Variants in ADAM2 observed in about 807,000 individuals in gnomAD.
The protein encoded by ADAM2 is disintegrin and metalloproteinase domain-containing protein 2.
Under a neutral mutation model 99.3 loss-of-function variants are expected in ADAM2, and 101 were observed. The ratio of observed to expected loss-of-function variants is 1.02; its 90% CI spans 0.87 to 1.20. The LOEUF (loss-of-function observed/expected upper bound fraction) is 1.20, where lower values mean the gene tolerates loss of function less well. Ranked by LOEUF, ADAM2 falls within the 50% of genes most tolerant of loss-of-function variation. The pLI is 0.00. For missense variants in ADAM2, 948 were observed against 878.7 expected (o/e 1.08, Z -1.00); for synonymous variants, 323 against 287.6 (o/e 1.12, Z -1.25).
intron 7 of ADAM2, among the ~76,000 whole-genome samples, chr8:39,806,460 TA>T (rs201106342): frequency 1.4e-3 from 211 of 147,536 alleles, no homozygotes; most frequent in African/African-American, 3.7e-3. Flanking sequence ...TGACACATAA[TA>T]AAAAAAAAGT....
At chr8:39,831,553 A>G (rs1327503167) in intron 3 of ADAM2, among the ~76,000 whole-genome samples, 1 of 152,214 alleles carries the variant, frequency 6.6e-6, no homozygotes, top group Non-Finnish European at 1.5e-5. Context: ...GTAAATTATG[A>G]AACTTAAGAA....
chr8:39,761,073 T>C (rs1802348910), intron 15 of ADAM2, 103 bp downstream of exon 15: 2 of 581,744 alleles, frequency 3.4e-6, no homozygotes, highest in African/African-American at 3.8e-5. Flanking sequence ...GGTCTTACTT[T>C]ATGTTCAGGG....
At chr8:39,784,848 T>A (rs1947319) in intron 10 of ADAM2, among the ~76,000 whole-genome samples, 55,061 of 152,116 alleles carry the variant, frequency 0.36, 10,468 homozygotes, top group East Asian at 0.55. Context: ...TTTGTATGTC[T>A]TCTTTTGAGA....
intron 11 of ADAM2, among the ~76,000 whole-genome samples, chr8:39,770,971 T>G (rs1001442696): frequency 1.3e-5 from 2 of 152,220 alleles, no homozygotes; most frequent in Non-Finnish European, 2.9e-5. Context: ...ATTTTTTTCC[T>G]CAAAACTCAA....
At chr8:39,761,373 T>C in intron 14 of ADAM2, 92 bp from the exon 15 acceptor site, 1 of 630,224 alleles carries the variant, frequency 1.6e-6, no homozygotes. Flanking sequence ...GGGTTTAAGA[T>C]ATTCATTGTA....
chr8:39,784,909 T>C (rs888031457), intron 10 of ADAM2, among the ~76,000 whole-genome samples: 5 of 152,218 alleles, frequency 3.3e-5, no homozygotes, highest in Non-Finnish European at 7.3e-5. Context: ...GTTTGTTTTT[T>C]GCTTGTTCAA....
intron 9 of ADAM2, among the ~76,000 whole-genome samples, chr8:39,787,478 T>C (rs1803513498): frequency 6.6e-6 from 1 of 151,328 alleles, no homozygotes; most frequent in South Asian, 2.1e-4. Context: ...GTCATATTTA[T>C]GGGACAGAAG....
At chr8:39,750,724 T>A (rs1246454389) in intron 16 of ADAM2, among the ~76,000 whole-genome samples, 2 of 152,148 alleles carry the variant, frequency 1.3e-5, no homozygotes, top group Non-Finnish European at 2.9e-5. Context: ...ACACCAAGGA[T>A]TCTGACTTGT....
In ADAM2 at chr8:39,838,144, C is replaced by CAGCCCGCCG. The variant is rs750218026; in HGVS notation, c.33_41dup (p.Gly12_Leu14dup). The CAGCCCGCCG allele has an allele frequency of 6.8e-6, 11 of 1,614,158 alleles. No individual in the cohort carries two copies. The East Asian group carries it at 2.5e-4, about 36-fold the overall frequency. On this transcript the variant is annotated inframe_insertion, in exon 1 of 21. Coordinates refer to ENST00000265708, the MANE Select transcript of ADAM2 (RefSeq NM_001464.5). ...TTTTCTGCTTACTACTGTCCATCCGCAGCCCGCCGAGCCCGCTGAGCAGAA... is the reference window on the plus strand; with the variant it reads ...TTTTCTGCTTACTACTGTCCATCCGCAGCCCGCCGAGCCCGCCGAGCCCGCTGAGCAGAA...
intron 7 of ADAM2, among the ~76,000 whole-genome samples, chr8:39,806,443 C>T (rs770105609): frequency 1.3e-5 from 2 of 148,688 alleles, no homozygotes; most frequent in Non-Finnish European, 3.0e-5. Context: ...CCGTTTTCAA[C>T]AAAGTATGAC....
intron 10 of ADAM2, among the ~76,000 whole-genome samples, chr8:39,778,468 C>T (rs1165813585): frequency 6.6e-6 from 1 of 152,086 alleles, no homozygotes; most frequent in African/African-American, 2.4e-5. Context: ...GATGGGACAT[C>T]TACCTTCTGT....
chr8:39,746,395 A>T, intron 19 of ADAM2, 77 bp downstream of exon 19: 1 of 962,160 alleles, frequency 1.0e-6, no homozygotes, highest in Non-Finnish European at 1.5e-6. Flanking sequence ...ATTATTACTC[A>T]TTACATCGAC....
chr8:39,788,820 A>T, intron 7 of ADAM2, 80 bp from the exon 8 acceptor site: 1 of 746,710 alleles, frequency 1.3e-6, no homozygotes, highest in Non-Finnish European at 2.0e-6. Context: ...TTTAAAATTC[A>T]ATTTGGTGAA....
At chr8:39,761,064 G>T in intron 15 of ADAM2, 112 bp downstream of exon 15, 1 of 536,910 alleles carries the variant, frequency 1.9e-6, no homozygotes, top group South Asian at 3.9e-5. Flanking sequence ...AATAAACATG[G>T]TCTTACTTTA....
chr8:39,764,322 A>G (rs775822363), intron 14 of ADAM2, among the ~76,000 whole-genome samples: 9 of 152,182 alleles, frequency 5.9e-5, no homozygotes, highest in Non-Finnish European at 1.2e-4. Flanking sequence ...AGGCAAAAAG[A>G]TCACTTGACC....
intron 18 of ADAM2, among the ~76,000 whole-genome samples, chr8:39,749,051 G>A (rs973589858): frequency 1.3e-5 from 2 of 151,872 alleles, no homozygotes; most frequent in Admixed American, 6.6e-5. Flanking sequence ...TGCCTTACAC[G>A]GTGTTCTTTC....
At chr8:39,765,214 T>C (rs7835489) in intron 14 of ADAM2, among the ~76,000 whole-genome samples, 111,591 of 151,994 alleles carry the variant, frequency 0.73, 42,106 homozygotes, top group African/African-American at 0.91. Flanking sequence ...TGTCTTCTCA[T>C]AGAGATACTT....
intron 3 of ADAM2, among the ~76,000 whole-genome samples, chr8:39,832,618 G>C (rs1335706573): frequency 4.6e-5 from 7 of 152,120 alleles, no homozygotes; most frequent in Non-Finnish European, 1.0e-4. Flanking sequence ...TTACAATAAC[G>C]TTTTGAATGT....
chr8:39,761,275 T>G lies in ADAM2; in HGVS notation c.1514A>C (p.Glu505Ala). Reference sequence around the variant, plus strand: ...AGAATAACATTCTGAAGGGCCAAACTCTACTTCTGAAAATAAAAAGGTGAG... The same window carrying G: ...AGAATAACATTCTGAAGGGCCAAACGCTACTTCTGAAAATAAAAAGGTGAG... ...QCTDTFGKEV[E>A]FGPSECYSHL... Residue 505 changes from glutamate to alanine, a missense_variant, in exon 15 of 21, where the codon GAG (glutamate) becomes GCG (alanine). Physicochemically the swap from Glu to Ala is moderately radical, Grantham distance 107. Coordinates refer to ENST00000265708, the MANE Select transcript of ADAM2 (RefSeq NM_001464.5). 1 of 1,583,612 alleles carries G rather than the reference T, an allele frequency of 6.3e-7. No individual in the cohort carries two copies. Among genetic ancestry groups the G allele is most frequent in the Non-Finnish European group, 8.6e-7 (1 of 1,164,044 alleles).
Sources: allele counts gnomAD v4.1 joint callset (sites outside exome capture counted in the v4.1 genomes callset), GRCh38; gene constraint gnomAD v4.1.1; transcripts MANE v1.5; gene names NCBI Gene and HGNC (gene_info 2026-07-23, HGNC 2026-07-21).